The following LMBRD1 variants were observed in gnomAD, a reference collection of about 807,000 sequenced individuals.
The protein encoded by LMBRD1 is lysosomal cobalamin transport escort protein LMBD1.
LMBRD1 carries 64 observed loss-of-function variants against 74.8 expected under a neutral mutation model. The ratio of observed to expected loss-of-function variants is 0.86; its 90% CI spans 0.70 to 1.05. The LOEUF (loss-of-function observed/expected upper bound fraction) is 1.05. Ranked by LOEUF, LMBRD1 falls within the 50% of genes least tolerant of loss-of-function variation. The probability of loss-of-function intolerance (pLI) is 0.00; values close to 1 mark genes in which losing one functional copy is unlikely to be tolerated. For synonymous variants in LMBRD1, 204 were observed against 216.3 expected, an observed-to-expected ratio of 0.94 and a Z score of 0.50; for missense variants, 652 against 645.9, an observed-to-expected ratio of 1.01 and a Z score of -0.10.
chr6:69,740,252 G>C (rs185727358), intron 6 of LMBRD1, among the ~76,000 whole-genome samples: 1 of 152,232 alleles, frequency 6.6e-6, no homozygotes, highest in East Asian at 1.9e-4. Flanking sequence ...CATCTAGAGT[G>C]ATAAGTAACA....
rs1217320722 is a variant in LMBRD1, at chr6:69,675,203, A to AT, written c.*954dup. On this transcript the variant is annotated 3_prime_UTR_variant, in exon 16 of 16. Transcript: ENST00000649934. ...AACTTTTTTTCAGAAACTTAATGAT[A>AT]TTTTACCTCAAGGATCATGATATAT... Among the ~76,000 whole-genome samples the AT allele has an allele frequency of 6.6e-6, 1 of 152,130 alleles. No homozygotes were observed. The highest frequency in any genetic ancestry group is 2.4e-5 in the African/African-American group (1 of 41,436).
At chr6:69,737,546 T>C (rs1045280379) in intron 7 of LMBRD1, among the ~76,000 whole-genome samples, 1 of 151,130 alleles carries the variant, frequency 6.6e-6, no homozygotes, top group Non-Finnish European at 1.5e-5. Flanking sequence ...AGTTCTAATA[T>C]GCTTATAAAT....
chr6:69,774,268 T>C (rs906622984), intron 3 of LMBRD1, among the ~76,000 whole-genome samples: 4 of 152,210 alleles, frequency 2.6e-5, no homozygotes, highest in African/African-American at 9.6e-5. Flanking sequence ...CTCCTCGCCT[T>C]CCACCATGAT....
At chr6:69,742,509 C>A (rs6909708) in intron 5 of LMBRD1, among the ~76,000 whole-genome samples, 54,800 of 151,732 alleles carry the variant, frequency 0.36, 10,484 homozygotes, top group East Asian at 0.54. Context: ...GACTGGGAAA[C>A]GATAGAATAA....
chr6:69,761,429 G>C (rs1478339975), intron 3 of LMBRD1, among the ~76,000 whole-genome samples: 3 of 152,078 alleles, frequency 2.0e-5, no homozygotes, highest in Non-Finnish European at 4.4e-5. Context: ...ATAAGCCTTA[G>C]TCCTTCATAA....
chr6:69,736,191 A>G (rs923546400), intron 7 of LMBRD1, among the ~76,000 whole-genome samples: 1 of 150,776 alleles, frequency 6.6e-6, no homozygotes, highest in African/African-American at 2.4e-5. Flanking sequence ...GAGCTAATTG[A>G]CCCCCCCTCC....
chr6:69,775,558 T>G (rs892879976), intron 3 of LMBRD1, among the ~76,000 whole-genome samples: 3 of 152,202 alleles, frequency 2.0e-5, no homozygotes, highest in African/African-American at 7.2e-5. Flanking sequence ...GGAATCAAGA[T>G]AGTAGACTCA....
chr6:69,786,356 G>C (rs1219741460), intron 2 of LMBRD1, among the ~76,000 whole-genome samples: 2 of 152,082 alleles, frequency 1.3e-5, no homozygotes, highest in African/African-American at 2.4e-5. Context: ...CATAATTAGG[G>C]AACAGGAGTA....
At position 69,697,025 on chromosome 6, in the gene LMBRD1, GA is replaced by G. The variant is rs958991895; in HGVS notation, c.1417+537del. On this transcript the variant is annotated intron_variant, in intron 14 of 15. Coordinates refer to ENST00000649934, the MANE Select transcript of LMBRD1 (RefSeq NM_018368.4). Reference sequence around the variant, plus strand: ...AAAAATCACCTAAACAACTCACATAGAAAAAAAAAAAAGATACTCTAAAAAT... The same window carrying G: ...AAAAATCACCTAAACAACTCACATAGAAAAAAAAAAAGATACTCTAAAAAT... Among the ~76,000 whole-genome samples, 610 of 134,930 alleles carry G rather than the reference GA, an allele frequency of 4.5e-3. 4 individuals are homozygous for G. Among genetic ancestry groups the G allele is most frequent in the Non-Finnish European group, 7.3e-3 (453 of 62,106 alleles). 88.5% of individuals were successfully genotyped at this position (134,930 alleles called of 152,430 possible). A position where few individuals can be genotyped will look rare whatever the true frequency, so the allele number is the denominator to read the frequency against.
At chr6:69,726,393 A>G (rs1766735681) in intron 7 of LMBRD1, among the ~76,000 whole-genome samples, 1 of 152,240 alleles carries the variant, frequency 6.6e-6, no homozygotes, top group Admixed American at 6.5e-5. Context: ...CTCAAAAGAA[A>G]GGAGATCCAT....
At chr6:69,676,812 T>C (rs975592783) in intron 14 of LMBRD1, among the ~76,000 whole-genome samples, 1 of 152,280 alleles carries the variant, frequency 6.6e-6, no homozygotes, top group East Asian at 1.9e-4. Context: ...AAAAATCATC[T>C]TGACTAGTTT....
chr6:69,716,958 T>G (rs887011437), intron 8 of LMBRD1, among the ~76,000 whole-genome samples: 4 of 151,692 alleles, frequency 2.6e-5, no homozygotes, highest in African/African-American at 9.7e-5. Flanking sequence ...TTCAATTTTC[T>G]TTAAAAAGTT....
chr6:69,695,855 T>C (rs1765984916), intron 14 of LMBRD1, among the ~76,000 whole-genome samples: 1 of 151,504 alleles, frequency 6.6e-6, no homozygotes, highest in Admixed American at 6.6e-5. Context: ...TTTTTTTTTT[T>C]TTCCCTGAGA....
intron 14 of LMBRD1, among the ~76,000 whole-genome samples, chr6:69,679,059 A>AAC (rs1554229153): frequency 6.1e-5 from 8 of 131,424 alleles, no homozygotes; most frequent in Admixed American, 1.6e-4. Context: ...AAAAAAAACA[A>AAC]AAACAAACAA....
intron 3 of LMBRD1, among the ~76,000 whole-genome samples, chr6:69,759,600 T>C (rs1582132832): frequency 6.6e-6 from 1 of 152,168 alleles, no homozygotes; most frequent in Admixed American, 6.5e-5. Flanking sequence ...AAAAAAGCTT[T>C]ATATGATATC....
chr6:69,755,022 C>T (rs978247523), intron 3 of LMBRD1, among the ~76,000 whole-genome samples: 6 of 152,138 alleles, frequency 3.9e-5, no homozygotes, highest in East Asian at 1.9e-4. Flanking sequence ...GACAGTGTGG[C>T]GATTCCTCAA....
chr6:69,778,449 C>A (rs1000425876), intron 3 of LMBRD1, among the ~76,000 whole-genome samples: 1 of 152,124 alleles, frequency 6.6e-6, no homozygotes, highest in African/African-American at 2.4e-5. Context: ...ACTGAAAAAG[C>A]CTGCATGAAT....
chr6:69,764,069 G>A (rs1405594581), intron 3 of LMBRD1, among the ~76,000 whole-genome samples: 1 of 152,106 alleles, frequency 6.6e-6, no homozygotes, highest in Non-Finnish European at 1.5e-5. Context: ...ACACTCTTGG[G>A]GCTGTTAGGA....
rs946689709 is a variant in LMBRD1, at chr6:69,674,342, C to T, written c.*1816G>A. Among the ~76,000 whole-genome samples the T allele has an allele frequency of 6.6e-6, 1 of 152,092 alleles. No homozygotes were observed. The highest frequency in any genetic ancestry group is 1.5e-5 in the Non-Finnish European group (1 of 68,024). Reference sequence around the variant, plus strand: ...TCAACATATGAATTGTAAGGGGACACAATTCAGCCTATAACATAGAAAGTG... The same window carrying T: ...TCAACATATGAATTGTAAGGGGACATAATTCAGCCTATAACATAGAAAGTG... On this transcript the variant is annotated 3_prime_UTR_variant, in exon 16 of 16. Transcript: ENST00000649934.
Sources: allele counts gnomAD v4.1 joint callset (sites outside exome capture counted in the v4.1 genomes callset), GRCh38; gene constraint gnomAD v4.1.1; transcripts MANE v1.5; gene names NCBI Gene and HGNC (gene_info 2026-07-23, HGNC 2026-07-21).